The following PCDHGB5 variants were observed in gnomAD, a reference collection of about 807,000 sequenced individuals.
PCDHGB5 encodes the protein protocadherin gamma subfamily B, 5.
PCDHGB5 carries 48 observed loss-of-function variants against 62.9 expected under a neutral mutation model. The ratio of observed to expected loss-of-function variants is 0.76; its 90% CI spans 0.61 to 0.97. The LOEUF (loss-of-function observed/expected upper bound fraction) is 0.97. PCDHGB5 is among the 50% of genes least tolerant of loss of function. PCDHGB5 has a pLI of 0.00. For missense variants in PCDHGB5, 1,118 were observed against 1,198.6 expected, an observed-to-expected ratio of 0.93 and a Z score of 0.99; for synonymous variants, 474 against 511.2, an observed-to-expected ratio of 0.93 and a Z score of 0.98.
In PCDHGB5 at chr5:141,483,740, A is replaced by T. The variant is rs2099586227; in HGVS notation, c.2398-11067A>T. Among the ~76,000 whole-genome samples, 4 of 152,148 alleles carry T rather than the reference A, an allele frequency of 2.6e-5. No homozygotes were observed. The South Asian group carries it at 8.3e-4, about 32-fold the overall frequency. ...TGGTTCCCACCATAGTCAAAAGGATATTCCTGAGGATCGAGGCTTGGAAAA... is the reference window on the plus strand; with the variant it reads ...TGGTTCCCACCATAGTCAAAAGGATTTTCCTGAGGATCGAGGCTTGGAAAA... On this transcript the variant is annotated intron_variant, in intron 1 of 3. Transcript: ENST00000617380.
At chr5:141,419,411 C>T (rs757881409) in intron 1 of PCDHGB5, 7 of 1,613,344 alleles carry the variant, frequency 4.3e-6, no homozygotes, top group Non-Finnish European at 5.9e-6. Flanking sequence ...GTTCGCGCAG[C>T]GCGCCTTCGA....
chr5:141,496,984 G>C (rs938752499), intron 2 of PCDHGB5, among the ~76,000 whole-genome samples: 1 of 151,896 alleles, frequency 6.6e-6, no homozygotes, highest in Admixed American at 6.6e-5. Context: ...TCAGGGGTTT[G>C]AGACCAGCCT....
intron 2 of PCDHGB5, among the ~76,000 whole-genome samples, chr5:141,504,786 C>A (rs568185327): frequency 6.6e-6 from 1 of 152,014 alleles, no homozygotes; most frequent in South Asian, 2.1e-4. Context: ...TCTCTTGGGG[C>A]CTCCTACATC....
rs781026604 is a variant in PCDHGB5, at chr5:141,490,471, C to G, written c.2398-4336C>G. ...CCACTACTCGCTGCTAACCAGCCAG[C>G]CTTTGGACCGGGAGGCCACATCCCA... On this transcript the variant is annotated intron_variant, in intron 1 of 3. Coordinates refer to ENST00000617380, the MANE Select transcript of PCDHGB5 (RefSeq NM_018925.3). The surrounding 1 kb of genome is among the most constrained non-coding windows in gnomAD (Gnocchi z 5.4). 12 of 1,614,096 alleles carry G rather than the reference C, an allele frequency of 7.4e-6. No homozygotes were observed. The highest frequency in any genetic ancestry group is 1.1e-5 in the South Asian group (1 of 91,092).
chr5:141,413,559 T>A, intron 1 of PCDHGB5: 1 of 1,613,862 alleles, frequency 6.2e-7, no homozygotes. Flanking sequence ...TAGAAGTAAC[T>A]GATATCAATG....
rs141958687 is a variant in PCDHGB5 at position 141,509,744 on chromosome 5, G to A, written c.2546-1203G>A. 3.3e-3 allele frequency among the ~76,000 whole-genome samples: 509 copies of A among 152,266 alleles called. 3 individuals are homozygous for A. The highest frequency in any genetic ancestry group is 5.5e-3 in the Non-Finnish European group (372 of 68,024). On this transcript the variant is annotated intron_variant, in intron 3 of 3. Coordinates refer to ENST00000617380, the MANE Select transcript of PCDHGB5 (RefSeq NM_018925.3). ...CACCTAGCTGTGGCACTCTGAGCCT[G>A]TGCCTAAAGTGTCCCTGAGATGTCT...
chr5:141,472,602 T>A (rs1032061805), intron 1 of PCDHGB5, among the ~76,000 whole-genome samples: 1 of 152,026 alleles, frequency 6.6e-6, no homozygotes, highest in South Asian at 2.1e-4. Context: ...CTTGAAATTA[T>A]AAAACAAAGA....
Position 141,491,273 on chromosome 5 carries a change from G to A in PCDHGB5, c.2398-3534G>A. ...GACCCTGAGGAAATGCCCAAATCCA[G>A]TGACTTCCTCATACACCCTCCTGAG... On this transcript the variant is annotated intron_variant, in intron 1 of 3. Coordinates refer to ENST00000617380, the MANE Select transcript of PCDHGB5 (RefSeq NM_018925.3). This position sits in a 1 kb window ranked among gnomAD's most constrained non-coding sequence, Gnocchi z 6.9. The A allele has an allele frequency of 6.2e-7, 1 of 1,614,182 alleles. No individual in the cohort carries two copies. Among genetic ancestry groups the A allele is most frequent in the South Asian group, 1.1e-5 (1 of 91,082 alleles).
intron 1 of PCDHGB5, chr5:141,410,249 G>A (rs371076854): frequency 1.2e-6 from 2 of 1,613,992 alleles, no homozygotes; most frequent in Non-Finnish European, 8.5e-7. Flanking sequence ...TGTACTCTCT[G>A]ACCCCCAGGC....
At position 141,477,687 on chromosome 5, in the gene PCDHGB5, C is replaced by A. The variant is rs1206813120; in HGVS notation, c.2398-17120C>A. The A allele has an allele frequency of 5.6e-6, 9 of 1,614,022 alleles. No homozygotes were observed. The highest frequency in any genetic ancestry group is 7.6e-6 in the Non-Finnish European group (9 of 1,180,040). ...AATGGCATAGTGTCATCCTTAGTGC[C>A]CCTAGACTATGAGGATCGGCGGGAA... On this transcript the variant is annotated intron_variant, in intron 1 of 3. Coordinates refer to ENST00000617380, the MANE Select transcript of PCDHGB5 (RefSeq NM_018925.3). This position sits in a 1 kb window ranked among gnomAD's most constrained non-coding sequence, Gnocchi z 4.9.
At chr5:141,448,143 A>C (rs2098568288) in intron 1 of PCDHGB5, among the ~76,000 whole-genome samples, 1 of 152,012 alleles carries the variant, frequency 6.6e-6, no homozygotes, top group Admixed American at 6.6e-5. Context: ...ACTATACCTC[A>C]GACTCACCCC....
At chr5:141,500,278 G>A (rs1338703900) in intron 2 of PCDHGB5, among the ~76,000 whole-genome samples, 2 of 150,508 alleles carry the variant, frequency 1.3e-5, no homozygotes, top group East Asian at 2.0e-4. Context: ...GCGCAATCTC[G>A]GCTCACTGCA....
intron 1 of PCDHGB5, among the ~76,000 whole-genome samples, chr5:141,488,563 C>T (rs1352750895): frequency 1.3e-5 from 2 of 152,134 alleles, no homozygotes; most frequent in Admixed American, 6.6e-5. Flanking sequence ...TTGAGATTTC[C>T]GCAAAGCATT....
At chr5:141,467,460 T>G (rs1354012953) in intron 1 of PCDHGB5, among the ~76,000 whole-genome samples, 1 of 152,246 alleles carries the variant, frequency 6.6e-6, no homozygotes. Context: ...CCAGTGCTAG[T>G]ACTTGCATGG....
At chr5:141,478,675 G>T in intron 1 of PCDHGB5, 1 of 1,551,574 alleles carries the variant, frequency 6.4e-7, no homozygotes, top group Non-Finnish European at 8.7e-7. Flanking sequence ...ACTTTCAACT[G>T]GCCCTTCCTA....
At chr5:141,415,066 C>A in intron 1 of PCDHGB5, 1 of 1,613,410 alleles carries the variant, frequency 6.2e-7, no homozygotes, top group Non-Finnish European at 8.5e-7. Flanking sequence ...GGGCGAGGTG[C>A]GCACGGCGCG....
At chr5:141,470,682 T>C (rs2099236741) in intron 1 of PCDHGB5, among the ~76,000 whole-genome samples, 1 of 152,138 alleles carries the variant, frequency 6.6e-6, no homozygotes, top group Non-Finnish European at 1.5e-5. Flanking sequence ...TGTTACCATC[T>C]TGAAATTCTT....
chr5:141,420,505 T>C (rs923726040), intron 1 of PCDHGB5: 4 of 457,906 alleles, frequency 8.7e-6, no homozygotes, highest in Middle Eastern at 6.0e-4. Context: ...GGTGACATTT[T>C]TATGAAGTAA....
chr5:141,422,800 C>A (rs1470748782), intron 1 of PCDHGB5: 1 of 1,614,094 alleles, frequency 6.2e-7, no homozygotes, highest in Non-Finnish European at 8.5e-7. Flanking sequence ...CGACTATGAG[C>A]AGTTTCGAGA....
Sources: gnomAD v4.1 joint callset for allele counts (sites outside exome capture counted in the v4.1 genomes callset) on GRCh38, gnomAD v4.1.1 for gene constraint, Gnocchi (gnomAD v3.1) non-coding constraint, MANE v1.5 for transcripts, NCBI Gene and HGNC (gene_info 2026-07-23, HGNC 2026-07-21) for gene names.